The following CACNB2 variants were observed in gnomAD, a reference collection of about 807,000 sequenced individuals.
The protein encoded by CACNB2 is voltage-dependent L-type calcium channel subunit beta-2.
Under a neutral mutation model 73.3 loss-of-function variants are expected in CACNB2, and 42 were observed. The ratio of observed to expected loss-of-function variants is 0.57; its 90% CI spans 0.45 to 0.74. The LOEUF (loss-of-function observed/expected upper bound fraction) is 0.74, where lower values mean the gene tolerates loss of function less well. Among genes scored for constraint, CACNB2 ranks in the 30% least tolerant of loss-of-function variants. The pLI is 0.00. For missense variants in CACNB2, 940 were observed against 853.0 expected (o/e 1.10, Z -1.27); for synonymous variants, 348 against 310.3 (o/e 1.12, Z -1.28).
chr10:18,400,642 T>C, intron 2 of CACNB2: 58 of 336,642 alleles, frequency 1.7e-4, no homozygotes, highest in Non-Finnish European at 1.9e-4. Context: ...TTGCACTAGT[T>C]TTTTTTTTTT....
At chr10:18,181,027 C>T (rs12777936) in intron 2 of CACNB2, among the ~76,000 whole-genome samples, 37,823 of 149,146 alleles carry the variant, frequency 0.25, 4,857 homozygotes, top group Middle Eastern at 0.29. Flanking sequence ...AGGCTATTTT[C>T]CCCTCAAGGA....
rs141019777 is a variant in CACNB2 at position 18,371,016 on chromosome 10, TAA to T, written c.214-30905_214-30904del. Among the ~76,000 whole-genome samples, 348 of 152,306 alleles carry T rather than the reference TAA, an allele frequency of 2.3e-3. 3 individuals carry two copies. Among genetic ancestry groups the T allele is most frequent in the African/African-American group, 7.9e-3 (327 of 41,568 alleles). Reference sequence around the variant, plus strand: ...AAGATAATTACTGAGTATTTACTTTTAAAAGAGTAATATGTATTCATACACTG... The same window carrying T: ...AAGATAATTACTGAGTATTTACTTTTAAGAGTAATATGTATTCATACACTG... On this transcript the variant is annotated intron_variant, in intron 2 of 13. Transcript: ENST00000324631.
intron 3 of CACNB2, among the ~76,000 whole-genome samples, chr10:18,489,611 G>A (rs1360049735): frequency 2.0e-5 from 3 of 151,656 alleles, no homozygotes; most frequent in Non-Finnish European, 2.9e-5. Flanking sequence ...TCTTCACCTT[G>A]GAATAAAACA....
At chr10:18,447,902 G>GT (rs775803648) in intron 3 of CACNB2, among the ~76,000 whole-genome samples, 30 of 151,568 alleles carry the variant, frequency 2.0e-4, no homozygotes, top group Non-Finnish European at 3.8e-4. Context: ...AGCTATTTTT[G>GT]TTTTCTTTTA....
At chr10:18,190,113 T>C (rs188793348) in intron 2 of CACNB2, among the ~76,000 whole-genome samples, 1 of 152,060 alleles carries the variant, frequency 6.6e-6, no homozygotes, top group African/African-American at 2.4e-5. Context: ...CCTTCATGGG[T>C]GGAGCTCCTT....
chr10:18,488,338 G>A (rs533124583), intron 3 of CACNB2, among the ~76,000 whole-genome samples: 12 of 151,506 alleles, frequency 7.9e-5, no homozygotes, highest in Admixed American at 7.9e-4. Flanking sequence ...AGCCAGGCGT[G>A]GTGGCAGGTG....
chr10:18,238,812 G>A (rs1246086548), intron 2 of CACNB2, among the ~76,000 whole-genome samples: 1 of 152,142 alleles, frequency 6.6e-6, no homozygotes, highest in Non-Finnish European at 1.5e-5. Context: ...GGCCTGAGTG[G>A]GAGCCCATCT....
chr10:18,438,597 T>C (rs1168707748), intron 3 of CACNB2, among the ~76,000 whole-genome samples: 1 of 152,218 alleles, frequency 6.6e-6, no homozygotes, highest in Non-Finnish European at 1.5e-5. Context: ...TATCCATCTG[T>C]TCTCCCACAC....
At chr10:18,361,361 T>C (rs1760546537) in intron 2 of CACNB2, among the ~76,000 whole-genome samples, 1 of 150,738 alleles carries the variant, frequency 6.6e-6, no homozygotes, top group South Asian at 2.1e-4. Context: ...TAGCTGTGCA[T>C]GATGGTGCAT....
intron 2 of CACNB2, chr10:18,340,564 C>A: frequency 2.0e-6 from 1 of 497,566 alleles, no homozygotes; most frequent in Non-Finnish European, 2.9e-6. Context: ...CTGGAGGGAC[C>A]TGTCGCATCT....
chr10:18,142,872 A>C (rs1184112156), intron 1 of CACNB2, among the ~76,000 whole-genome samples: 2 of 152,226 alleles, frequency 1.3e-5, no homozygotes, highest in Non-Finnish European at 2.9e-5. Context: ...CTGACTAGTA[A>C]ATGGCTTCAA....
intron 1 of CACNB2, among the ~76,000 whole-genome samples, chr10:18,145,785 G>A (rs1368123150): frequency 6.6e-6 from 1 of 152,134 alleles, no homozygotes; most frequent in East Asian, 1.9e-4. Context: ...CACAACTGCA[G>A]ACAGAGAAAA....
At chr10:18,514,123 G>A (rs2051043460) in intron 6 of CACNB2, 113 bp from the exon 7 acceptor site, 1 of 1,053,818 alleles carries the variant, frequency 9.5e-7, no homozygotes, top group Non-Finnish European at 1.5e-6. Context: ...ACTGTGTTGA[G>A]CACTCATGAT....
rs551760338 is a variant in CACNB2 at position 18,514,218 on chromosome 10, T to C, written c.671-18T>C. On this transcript the variant is annotated intron_variant, in intron 6 of 13. Transcript: ENST00000324631. Reference sequence around the variant, plus strand: ...TTTCCTCTCCTGTCCACCTGATTTTTGAATTGTCTGTATATAGCTATAGAC... The same window carrying C: ...TTTCCTCTCCTGTCCACCTGATTTTCGAATTGTCTGTATATAGCTATAGAC... 178 of 1,613,790 alleles carry C rather than the reference T, an allele frequency of 1.1e-4. No individual in the cohort carries two copies. The Admixed American group carries it at 2.9e-3, about 26-fold the overall frequency.
intron 2 of CACNB2, among the ~76,000 whole-genome samples, chr10:18,164,312 G>C (rs944584418): frequency 3.3e-5 from 5 of 152,180 alleles, no homozygotes; most frequent in African/African-American, 1.2e-4. Context: ...TTGCGCAGAA[G>C]TGGTCATTAG....
At chr10:18,169,447 A>G (rs543836619) in intron 2 of CACNB2, among the ~76,000 whole-genome samples, 4 of 152,322 alleles carry the variant, frequency 2.6e-5, no homozygotes, top group African/African-American at 7.2e-5. Context: ...AAGATTGCCC[A>G]TTACCTCACA....
At chr10:18,198,163 T>C (rs2034714259) in intron 2 of CACNB2, among the ~76,000 whole-genome samples, 1 of 148,434 alleles carries the variant, frequency 6.7e-6, no homozygotes, top group Non-Finnish European at 1.5e-5. Context: ...ACATATTACA[T>C]GTATGTAATA....
At chr10:18,301,777 T>C (rs1308664350) in intron 2 of CACNB2, among the ~76,000 whole-genome samples, 2 of 151,598 alleles carry the variant, frequency 1.3e-5, no homozygotes, top group Non-Finnish European at 2.9e-5. Context: ...GCCTCCCGAG[T>C]AGCTGGGATT....
chr10:18,364,448 G>A (rs369800636), intron 2 of CACNB2, among the ~76,000 whole-genome samples: 31 of 151,692 alleles, frequency 2.0e-4, no homozygotes, highest in Admixed American at 3.9e-4. Context: ...TTACAGGCAC[G>A]CAACACCACG....
Sources: allele counts gnomAD v4.1 joint callset (sites outside exome capture counted in the v4.1 genomes callset), GRCh38; gene constraint gnomAD v4.1.1; transcripts MANE v1.5; gene names NCBI Gene and HGNC (gene_info 2026-07-23, HGNC 2026-07-21).